LEUTX: variants seen among roughly 807,000 people sequenced by gnomAD.
The protein encoded by LEUTX is leucine twenty homeobox.
Under a neutral mutation model 4.5 loss-of-function variants are expected in LEUTX, and 5 were observed. The observed-to-expected ratio is 1.11, with a 90% CI of 0.58 to 2.34. The LOEUF (loss-of-function observed/expected upper bound fraction) is 2.34, where lower values mean the gene tolerates loss of function less well. Ranked by LOEUF, LEUTX falls within the 30% of genes most tolerant of loss-of-function variation. The pLI, the probability that LEUTX is intolerant of heterozygous loss-of-function variation, is 0.01. For synonymous variants in LEUTX, 89 were observed against 85.1 expected, an observed-to-expected ratio of 1.05 and a Z score of -0.25; for missense variants, 233 against 239.4, an observed-to-expected ratio of 0.97 and a Z score of 0.18.
chr19:39,777,096 C>T (rs1967808065), upstream of LEUTX, among the ~76,000 whole-genome samples: 1 of 152,096 alleles, frequency 6.6e-6, no homozygotes, highest in Non-Finnish European at 1.5e-5. Flanking sequence ...AAAGGTTTTT[C>T]ATGTCTCTGG....
chr19:39,782,495 G>A (rs1967901417), intron 1 of LEUTX, among the ~76,000 whole-genome samples: 2 of 152,142 alleles, frequency 1.3e-5, no homozygotes, highest in Middle Eastern at 3.2e-3. Flanking sequence ...ATGTGGAACT[G>A]TGAGTCCATT....
chr19:39,776,628 A>G (rs1424258044), upstream of LEUTX: 3 of 456,222 alleles, frequency 6.6e-6, no homozygotes, highest in South Asian at 4.6e-5. Context: ...GCCTCCGTGG[A>G]ACCTGCCTGT....
At chr19:39,784,421 C>T in intron 1 of LEUTX, 106 bp from the exon 2 acceptor site, 1 of 617,156 alleles carries the variant, frequency 1.6e-6, no homozygotes, top group South Asian at 1.9e-5. Flanking sequence ...GGGCTCAAGG[C>T]TGTTGTTCAG....
chr19:39,779,511 T>G (rs992035361), intron 1 of LEUTX, among the ~76,000 whole-genome samples: 6 of 151,942 alleles, frequency 3.9e-5, no homozygotes, highest in Non-Finnish European at 8.8e-5. Context: ...TTTTAGTATG[T>G]TTTTTTTCTT....
chr19:39,786,274 G>T lies in LEUTX; in HGVS notation c.*139G>T. 1.5e-6 allele frequency: 1 copy of T among 645,214 alleles called. No individual in the cohort carries two copies. The highest frequency in any genetic ancestry group is 2.5e-6 in the Non-Finnish European group (1 of 403,886). 40.0% of individuals were successfully genotyped at this position (645,214 alleles called of 1,614,324 possible). The stretch of plus-strand genomic sequence containing the variant: ...TTTTTCTGTAGAAAAAACAATAAAG[G>T]AACTCCCCTACCTTTCATCATTGCC... On this transcript the variant is annotated 3_prime_UTR_variant, in exon 3 of 3. Transcript: ENST00000638280.
Position 39,784,728 on chromosome 19 carries a change from C to T in LEUTX, c.159+50C>T, listed in dbSNP as rs181657163. On this transcript the variant is annotated intron_variant, in intron 2 of 2. Coordinates refer to ENST00000638280, the MANE Select transcript of LEUTX (RefSeq NM_001382345.1). ...GTAGCACGCCTAACCCAGAGCTTCACACACACTTTTGATCATTGTTATAAC... is the reference window on the plus strand; with the variant it reads ...GTAGCACGCCTAACCCAGAGCTTCATACACACTTTTGATCATTGTTATAAC... 22 of 1,340,768 alleles carry T rather than the reference C, an allele frequency of 1.6e-5. No homozygotes were observed. The East Asian group carries it at 5.3e-4, about 32-fold the overall frequency. The allele number at this position is 1,340,768 out of a possible 1,614,324, so 83.1% of individuals were successfully genotyped here.
At chr19:39,778,661 G>GCCT (rs1967835209), upstream of LEUTX, among the ~76,000 whole-genome samples, 2 of 122,018 alleles carry the variant, frequency 1.6e-5, no homozygotes, top group African/African-American at 6.8e-5. Context: ...TCAAGGATCA[G>GCCT]TCTTTTTTTT....
intron 1 of LEUTX, among the ~76,000 whole-genome samples, chr19:39,781,301 G>A (rs1967883122): frequency 6.6e-6 from 1 of 152,130 alleles, no homozygotes; most frequent in African/African-American, 2.4e-5. Flanking sequence ...ATTTGCATGA[G>A]GAATAAGAGC....
rs926899678 is a variant in LEUTX at position 39,786,051 on chromosome 19, G to C, written c.513G>C (p.Leu171Phe). 15 of 1,551,540 alleles carry C rather than the reference G, an allele frequency of 9.7e-6. No homozygotes were observed. Among genetic ancestry groups the C allele is most frequent in the Non-Finnish European group, 1.3e-5 (15 of 1,146,936 alleles). The change falls in exon 3 of 3, where the codon TTG becomes TTC. Residue 171 changes from leucine (L) to phenylalanine (F), a missense_variant. By Grantham distance (22) the Leu-to-Phe change is conservative (BLOSUM62 0). Coordinates refer to ENST00000638280, the MANE Select transcript of LEUTX (RefSeq NM_001382345.1). ...ATGAATTTGTAAAGATCTATGACTTGCCAGGGGAAGATGACACCAGCAGCC... is the reference window on the plus strand; with the variant it reads ...ATGAATTTGTAAAGATCTATGACTTCCCAGGGGAAGATGACACCAGCAGCC... ...EIDEFVKIYD[L>F]PGEDDTSSLN... is the part of the protein sequence containing the mutation.
intron 2 of LEUTX, 75 bp from the exon 3 acceptor site, chr19:39,785,623 G>T: frequency 8.2e-7 from 1 of 1,225,330 alleles, no homozygotes; most frequent in Non-Finnish European, 1.1e-6. Flanking sequence ...CCAAAAAACC[G>T]AATTCCTGAG....
At chr19:39,781,793 C>T (rs1967890685) in intron 1 of LEUTX, among the ~76,000 whole-genome samples, 1 of 152,130 alleles carries the variant, frequency 6.6e-6, no homozygotes, top group Admixed American at 6.5e-5. Flanking sequence ...TCTAATTTAC[C>T]CAGTTTTAGG....
chr19:39,784,475 C>T, intron 1 of LEUTX, 52 bp from the exon 2 acceptor site: 2 of 711,248 alleles, frequency 2.8e-6, no homozygotes, highest in Non-Finnish European at 5.1e-6. Flanking sequence ...GTACTCTCCT[C>T]ATTTCCTTCC....
At position 39,785,713 on chromosome 19, in the gene LEUTX, C is replaced by T. The variant is rs1356786130; in HGVS notation, c.175C>T (p.Gln59Ter). The T allele has an allele frequency of 6.4e-7, 1 of 1,551,808 alleles. No individual in the cohort carries two copies. The highest frequency in any genetic ancestry group is 2.0e-5 in the Admixed American group (1 of 50,990). The part of the protein sequence containing the change: ...LSVVKIWFKN[Q>*]RAKWKRQQRQ... ...CCCTCCTTAGATCTGGTTCAAGAACCAGCGTGCCAAATGGAAGAGGCAGCA... is the reference window on the plus strand; with the variant it reads ...CCCTCCTTAGATCTGGTTCAAGAACTAGCGTGCCAAATGGAAGAGGCAGCA... Residue 59 changes from glutamine (Q) to a stop codon, truncating the protein, a stop_gained, in exon 3 of 3, where the codon CAG (glutamine) becomes TAG (stop). Transcript: ENST00000638280. LOFTEE classifies it low-confidence loss of function (END_TRUNC).
In LEUTX at chr19:39,786,255, T is replaced by G; in HGVS notation, c.*120T>G. On this transcript the variant is annotated 3_prime_UTR_variant, in exon 3 of 3. Transcript: ENST00000638280. ...CAGGGGCTGGGAATTTATCTTTTTCTGTAGAAAAAACAATAAAGGAACTCC... is the reference window on the plus strand; with the variant it reads ...CAGGGGCTGGGAATTTATCTTTTTCGGTAGAAAAAACAATAAAGGAACTCC... The G allele has an allele frequency of 1.3e-6, 1 of 776,132 alleles. No individual in the cohort carries two copies. Among genetic ancestry groups the G allele is most frequent in the Non-Finnish European group, 1.9e-6 (1 of 519,508 alleles). The allele number at this position is 776,132 out of a possible 1,614,324, so 48.1% of individuals were successfully genotyped here.
Position 39,785,744 on chromosome 19 carries a change from A to G in LEUTX, c.206A>G (p.Gln69Arg). The G allele has an allele frequency of 6.4e-7, 1 of 1,551,826 alleles. No homozygotes were observed. Among genetic ancestry groups the G allele is most frequent in the Non-Finnish European group, 8.7e-7 (1 of 1,147,020 alleles). ...QRAKWKRQQR[Q>R]QMQTRPSLGP... Reference sequence around the variant, plus strand: ...GCCAAATGGAAGAGGCAGCAGCGGCAGCAAATGCAGACACGGCCATCACTA... The same window carrying G: ...GCCAAATGGAAGAGGCAGCAGCGGCGGCAAATGCAGACACGGCCATCACTA... Residue 69 changes from glutamine (Q) to arginine (R), a missense_variant, in exon 3 of 3, where the codon CAG becomes CGG. Physicochemically the swap from Gln to Arg is conservative, Grantham distance 43. Coordinates refer to ENST00000638280, the MANE Select transcript of LEUTX (RefSeq NM_001382345.1).
intron 1 of LEUTX, among the ~76,000 whole-genome samples, chr19:39,780,671 C>T (rs1188462635): frequency 6.6e-6 from 1 of 152,020 alleles, no homozygotes; most frequent in African/African-American, 2.4e-5. Context: ...TTTTCTACTT[C>T]CTGGAATAGC....
chr19:39,785,980 C>CA lies in LEUTX; in HGVS notation c.442_443insA (p.Leu148HisfsTer14), dbSNP rs1201296508. On this transcript the variant is annotated frameshift_variant, in exon 3 of 3. Transcript: ENST00000638280. LOFTEE classifies it low-confidence loss of function (END_TRUNC). Reference sequence around the variant, plus strand: ...GTCATATGACATTGAACAGATATGTCTGGGGGCTTCAAATCCTCCTTGGGC... The same window carrying CA: ...GTCATATGACATTGAACAGATATGTCATGGGGGCTTCAAATCCTCCTTGGGC... The CA allele has an allele frequency of 2.6e-6, 4 of 1,551,744 alleles. No individual in the cohort carries two copies. The East Asian group carries it at 9.8e-5, about 38-fold the overall frequency.
At chr19:39,776,786 C>T (rs1272251498), upstream of LEUTX, 4 of 407,854 alleles carry the variant, frequency 9.8e-6, no homozygotes, top group African/African-American at 2.1e-5. Context: ...GAGGCTGAGG[C>T]GGGAGGATCC....
Position 39,786,112 on chromosome 19 carries a change from G to C in LEUTX, c.574G>C (p.Asp192His). Reference protein sequence around the residue: ...QYLFPVCLEYDQLQSSV With the variant: ...QYLFPVCLEYHQLQSSV ...TCTTTTTCCAGTATGCCTTGAGTATGACCAGCTCCAATCTTCAGTGTAACT... is the reference window on the plus strand; with the variant it reads ...TCTTTTTCCAGTATGCCTTGAGTATCACCAGCTCCAATCTTCAGTGTAACT... Residue 192 changes from aspartate to histidine, a missense_variant, in exon 3 of 3, where the codon GAC becomes CAC. Asp to His is a moderately conservative substitution (Grantham distance 81). Coordinates refer to ENST00000638280, the MANE Select transcript of LEUTX (RefSeq NM_001382345.1). The C allele has an allele frequency of 6.5e-7, 1 of 1,536,928 alleles. No individual in the cohort carries two copies. Among genetic ancestry groups the C allele is most frequent in the Non-Finnish European group, 8.8e-7 (1 of 1,140,198 alleles).
Sources: allele counts gnomAD v4.1 joint callset (sites outside exome capture counted in the v4.1 genomes callset), GRCh38; gene constraint gnomAD v4.1.1; transcripts MANE v1.5; gene names NCBI Gene and HGNC (gene_info 2026-07-23, HGNC 2026-07-21).